Variants in UBE2E2 observed in about 807,000 individuals in gnomAD.
The protein encoded by UBE2E2 is ubiquitin conjugating enzyme E2 E2.
Under a neutral mutation model 24.7 loss-of-function variants are expected in UBE2E2, and 6 were observed. The ratio of observed to expected loss-of-function variants is 0.24; its 90% CI spans 0.13 to 0.48. The LOEUF (loss-of-function observed/expected upper bound fraction) is 0.48. UBE2E2 is among the 20% of genes least tolerant of loss of function. UBE2E2 has a pLI of 0.99. For synonymous variants in UBE2E2, 104 were observed against 83.6 expected, an observed-to-expected ratio of 1.24 and a Z score of -1.33; for missense variants, 169 against 245.0, an observed-to-expected ratio of 0.69 and a Z score of 2.07.
chr3:23,580,255 T>C (rs540142913), intron 5 of UBE2E2, among the ~76,000 whole-genome samples: 1 of 152,246 alleles, frequency 6.6e-6, no homozygotes, highest in Non-Finnish European at 1.5e-5. Context: ...CAACATCACA[T>C]GCACAGAGAA....
chr3:23,237,242 C>A (rs1272787200), intron 3 of UBE2E2, among the ~76,000 whole-genome samples: 1 of 152,104 alleles, frequency 6.6e-6, no homozygotes, highest in Non-Finnish European at 1.5e-5. Context: ...ATAAGGCTTG[C>A]GTGCATTTCT....
At chr3:23,434,891 C>A (rs146974506) in intron 3 of UBE2E2, among the ~76,000 whole-genome samples, 2 of 152,296 alleles carry the variant, frequency 1.3e-5, no homozygotes, top group African/African-American at 4.8e-5. Flanking sequence ...AATGTTAGCT[C>A]ATTAAAAAGA....
At chr3:23,337,846 T>C (rs1331195882) in intron 3 of UBE2E2, among the ~76,000 whole-genome samples, 2 of 152,150 alleles carry the variant, frequency 1.3e-5, no homozygotes, top group Non-Finnish European at 1.5e-5. Context: ...ATCTGACATA[T>C]AGAGAAAGCC....
At chr3:23,428,722 C>G (rs920036629) in intron 3 of UBE2E2, among the ~76,000 whole-genome samples, 1 of 151,424 alleles carries the variant, frequency 6.6e-6, no homozygotes. Flanking sequence ...CCCTGTAATC[C>G]CAGCAATATG....
At chr3:23,511,805 A>G (rs1244466613) in intron 4 of UBE2E2, among the ~76,000 whole-genome samples, 1 of 152,226 alleles carries the variant, frequency 6.6e-6, no homozygotes, top group Non-Finnish European at 1.5e-5. Context: ...ATAAAATATC[A>G]TGCTTTTATT....
intron 3 of UBE2E2, among the ~76,000 whole-genome samples, chr3:23,239,321 T>C (rs1402483110): frequency 6.6e-6 from 1 of 152,180 alleles, no homozygotes; most frequent in Non-Finnish European, 1.5e-5. Flanking sequence ...TTTTAAATTA[T>C]GCAATTCAGT....
At chr3:23,215,654 T>G (rs1258451754) in intron 2 of UBE2E2, among the ~76,000 whole-genome samples, 3 of 152,112 alleles carry the variant, frequency 2.0e-5, no homozygotes, top group Admixed American at 2.0e-4. Context: ...TTACACCCAT[T>G]TGTTTTGTCT....
intron 5 of UBE2E2, among the ~76,000 whole-genome samples, chr3:23,542,582 AAAAG>A (rs1318227015): frequency 1.3e-5 from 2 of 152,206 alleles, no homozygotes; most frequent in Admixed American, 6.5e-5. Flanking sequence ...TTTCAGGTGA[AAAAG>A]AAAGTTTTAG....
intron 3 of UBE2E2, among the ~76,000 whole-genome samples, chr3:23,261,063 A>G (rs888550783): frequency 6.6e-6 from 1 of 152,120 alleles, no homozygotes; most frequent in Non-Finnish European, 1.5e-5. Context: ...AGATTGTGCC[A>G]CTGCACTCCA....
rs535082714 is a variant in UBE2E2, at chr3:23,505,998, C to T, written c.360+6258C>T. ...TGAAGTTCAACAATGAGTTCCACAA[C>T]TGCACCCTTACTCTAGATTATTATT... On this transcript the variant is annotated intron_variant, in intron 4 of 5. Coordinates refer to ENST00000396703, the MANE Select transcript of UBE2E2 (RefSeq NM_152653.4). 2.6e-5 allele frequency among the ~76,000 whole-genome samples: 4 copies of T among 152,340 alleles called. No homozygotes were observed. In the South Asian group the frequency reaches 8.3e-4, roughly 32 times the overall value.
At chr3:23,522,379 G>A (rs1023211902) in intron 4 of UBE2E2, among the ~76,000 whole-genome samples, 2 of 152,206 alleles carry the variant, frequency 1.3e-5, no homozygotes, top group South Asian at 2.1e-4. Context: ...TGATCTGCCC[G>A]CCTCGGCCTT....
intron 3 of UBE2E2, among the ~76,000 whole-genome samples, chr3:23,313,532 A>G (rs2125280341): frequency 6.6e-6 from 1 of 151,718 alleles, no homozygotes; most frequent in East Asian, 1.9e-4. Context: ...TTACAGGCGC[A>G]TACCACCATA....
chr3:23,572,413 G>T (rs1179949766), intron 5 of UBE2E2, among the ~76,000 whole-genome samples: 1 of 152,124 alleles, frequency 6.6e-6, no homozygotes, highest in Non-Finnish European at 1.5e-5. Context: ...TTCAGGGAGT[G>T]CATATGCAGG....
chr3:23,472,243 C>T (rs1699045802), intron 3 of UBE2E2, among the ~76,000 whole-genome samples: 1 of 152,204 alleles, frequency 6.6e-6, no homozygotes, highest in Non-Finnish European at 1.5e-5. Context: ...GACTTACCTT[C>T]AGTTACAGCT....
intron 3 of UBE2E2, among the ~76,000 whole-genome samples, chr3:23,332,283 C>A (rs1037286653): frequency 2.6e-5 from 4 of 151,978 alleles, no homozygotes; most frequent in Non-Finnish European, 5.9e-5. Context: ...GCTGGGACTA[C>A]AAGTGCTGTG....
intron 5 of UBE2E2, among the ~76,000 whole-genome samples, chr3:23,578,449 A>T (rs1247617985): frequency 6.6e-6 from 1 of 152,200 alleles, no homozygotes; most frequent in Non-Finnish European, 1.5e-5. Flanking sequence ...AAGGAAAATA[A>T]ATTATTTTGT....
intron 3 of UBE2E2, among the ~76,000 whole-genome samples, chr3:23,362,274 A>G: frequency 6.6e-6 from 1 of 152,090 alleles, no homozygotes; most frequent in East Asian, 1.9e-4. Context: ...CCTCCCAAAC[A>G]TGGGAAAGAA....
At chr3:23,563,245 G>A (rs1466814618) in intron 5 of UBE2E2, among the ~76,000 whole-genome samples, 2 of 152,100 alleles carry the variant, frequency 1.3e-5, no homozygotes, top group Non-Finnish European at 1.5e-5. Context: ...CTTTAAATGT[G>A]TCCTAGAGAT....
intron 3 of UBE2E2, among the ~76,000 whole-genome samples, chr3:23,292,088 G>C (rs150846774): frequency 6.6e-6 from 1 of 151,950 alleles, no homozygotes; most frequent in Non-Finnish European, 1.5e-5. Context: ...TTGATCTCCT[G>C]ACCTCGTGAT....
Sources: allele counts gnomAD v4.1 joint callset (sites outside exome capture counted in the v4.1 genomes callset), GRCh38; gene constraint gnomAD v4.1.1; transcripts MANE v1.5; gene names NCBI Gene and HGNC (gene_info 2026-07-23, HGNC 2026-07-21).